The following COG3 variants were observed in gnomAD, a reference collection of about 807,000 sequenced individuals.
The protein encoded by COG3 is component of oligomeric golgi complex 3.
In COG3, 32 loss-of-function variants were observed where a neutral mutation model predicts 114.1. The ratio of observed to expected loss-of-function variants is 0.28; its 90% CI spans 0.21 to 0.38. The LOEUF (loss-of-function observed/expected upper bound fraction) is 0.38, where lower values mean the gene tolerates loss of function less well. Ranked by LOEUF, COG3 falls within the 10% of genes least tolerant of loss-of-function variation. COG3 has a pLI of 1.00. For missense variants in COG3, 813 were observed against 973.2 expected (o/e 0.84, Z 2.19); for synonymous variants, 352 against 365.7 (o/e 0.96, Z 0.43).
At chr13:45,478,890 C>G in intron 2 of COG3, 115 bp from the exon 3 acceptor site, 1 of 712,768 alleles carries the variant, frequency 1.4e-6, no homozygotes, top group East Asian at 2.6e-5. Context: ...ATGTCTGAGC[C>G]CTAAGCAATA....
intron 8 of COG3, among the ~76,000 whole-genome samples, chr13:45,488,754 T>A (rs1423447369): frequency 6.6e-6 from 1 of 152,174 alleles, no homozygotes; most frequent in Non-Finnish European, 1.5e-5. Flanking sequence ...CAATATATGT[T>A]ATATTTTATA....
chr13:45,529,451 C>T (rs909439153), intron 20 of COG3, among the ~76,000 whole-genome samples: 2 of 150,826 alleles, frequency 1.3e-5, no homozygotes, highest in African/African-American at 4.9e-5. Context: ...TTACTAGTGT[C>T]TCTCTGAAAA....
intron 15 of COG3, 69 bp from the exon 16 acceptor site, chr13:45,511,696 G>C: frequency 8.5e-7 from 1 of 1,170,502 alleles, no homozygotes; most frequent in Non-Finnish European, 1.3e-6. Context: ...TGCACTTACA[G>C]CCTAGGATAT....
intron 13 of COG3, among the ~76,000 whole-genome samples, chr13:45,500,098 A>G (rs61953515): frequency 0.29 from 8,132 of 27,770 alleles, 662 homozygotes; most frequent in African/African-American, 0.38. Flanking sequence ...GTGTGTGTAT[A>G]TATATATATA....
chr13:45,491,610 C>A, intron 10 of COG3, 72 bp downstream of exon 10: 5 of 1,409,818 alleles, frequency 3.5e-6, no homozygotes, highest in African/African-American at 2.9e-5. Context: ...AGAAACTATA[C>A]CTGGTTAAAT....
rs1885051695 is a variant in COG3 at position 45,465,171 on chromosome 13, G to A, written c.135G>A (p.Glu45=). 1 of 1,613,612 alleles carries A rather than the reference G, an allele frequency of 6.2e-7. No homozygotes were observed. The highest frequency in any genetic ancestry group is 1.3e-5 in the African/African-American group (1 of 74,944). The part of the protein sequence containing the change: ...LTDRQTDSVL[E]LKAAAENLPV... The stretch of plus-strand genomic sequence containing the variant: ...ACAGGCAGACGGACTCGGTATTGGA[G>A]CTGAAGGCGGCGGCAGAGAACTTGC... Residue 45 remains glutamate (E), a synonymous_variant, in exon 1 of 23, where the codon GAG becomes GAA. Transcript: ENST00000349995.
At chr13:45,523,229 T>G (rs1435576823) in intron 19 of COG3, among the ~76,000 whole-genome samples, 1 of 152,082 alleles carries the variant, frequency 6.6e-6, no homozygotes, top group African/African-American at 2.4e-5. Context: ...TTCTTTCAAG[T>G]AATTTGATTA....
intron 15 of COG3, among the ~76,000 whole-genome samples, chr13:45,510,532 C>T (rs1165009105): frequency 1.3e-5 from 2 of 152,148 alleles, no homozygotes; most frequent in Admixed American, 6.5e-5. Context: ...CAACTTCCTG[C>T]AGTGGAGTCA....
chr13:45,529,995 G>C (rs2274286), intron 21 of COG3, 77 bp downstream of exon 21: 1,247,656 of 1,500,432 alleles, frequency 0.83, 519,633 homozygotes, highest in Middle Eastern at 0.91. Context: ...TTTTCCTTTT[G>C]CTGTAGACAT....
intron 2 of COG3, among the ~76,000 whole-genome samples, chr13:45,477,877 T>C (rs566606787): frequency 8.5e-5 from 13 of 152,120 alleles, no homozygotes; most frequent in African/African-American, 3.1e-4. Flanking sequence ...CTGCCTGCCT[T>C]GCCCTCCCAA....
At chr13:45,491,812 A>G (rs983188293) in intron 10 of COG3, among the ~76,000 whole-genome samples, 5 of 152,188 alleles carry the variant, frequency 3.3e-5, no homozygotes, top group Non-Finnish European at 7.4e-5. Context: ...TTAACAATTT[A>G]GCTTTTGCTG....
chr13:45,513,379 A>G (rs906437412), intron 16 of COG3, among the ~76,000 whole-genome samples: 7 of 118,816 alleles, frequency 5.9e-5, no homozygotes, highest in Non-Finnish European at 9.6e-5. Flanking sequence ...TTATACATAT[A>G]ATATATACAT....
At chr13:45,524,674 A>T (rs1393054634) in intron 19 of COG3, among the ~76,000 whole-genome samples, 5 of 152,164 alleles carry the variant, frequency 3.3e-5, no homozygotes, top group African/African-American at 1.2e-4. Context: ...CTAGGGCTTC[A>T]TTTTTGTCTT....
chr13:45,519,937 T>TA (rs1347696043), intron 19 of COG3, among the ~76,000 whole-genome samples: 2 of 152,034 alleles, frequency 1.3e-5, no homozygotes, highest in Admixed American at 6.6e-5. Flanking sequence ...CCTAATCATT[T>TA]AAAAAAAATC....
intron 11 of COG3, 57 bp from the exon 12 acceptor site, chr13:45,493,290 T>C: frequency 7.1e-7 from 1 of 1,408,116 alleles, no homozygotes; most frequent in Non-Finnish European, 9.8e-7. Flanking sequence ...ATTTCTAAAT[T>C]ATTACAAAAT....
intron 19 of COG3, among the ~76,000 whole-genome samples, chr13:45,524,005 A>G (rs1872438327): frequency 6.6e-6 from 1 of 152,156 alleles, no homozygotes; most frequent in Non-Finnish European, 1.5e-5. Flanking sequence ...GTGATTTTAT[A>G]CAGGTAGGCA....
In COG3 at chr13:45,519,959, A is replaced by G. The variant is rs151131800; in HGVS notation, c.2154+865A>G. On this transcript the variant is annotated intron_variant, in intron 19 of 22. Coordinates refer to ENST00000349995, the MANE Select transcript of COG3 (RefSeq NM_031431.4). Reference sequence around the variant, plus strand: ...ATTTAAAAAAAATCTAAGTGTCATTACTAAGGACTTAAAGATATTTAAGAA... The same window carrying G: ...ATTTAAAAAAAATCTAAGTGTCATTGCTAAGGACTTAAAGATATTTAAGAA... Among the ~76,000 whole-genome samples the G allele has an allele frequency of 4.9e-4, 75 of 152,360 alleles. 2 individuals are homozygous for G. Among genetic ancestry groups the G allele is most frequent in the African/African-American group, 1.8e-3 (73 of 41,574 alleles).
intron 14 of COG3, among the ~76,000 whole-genome samples, chr13:45,507,626 G>A (rs1270898389): frequency 2.0e-5 from 3 of 152,068 alleles, no homozygotes; most frequent in African/African-American, 7.2e-5. Flanking sequence ...TTAGCTGGGT[G>A]TGGTGGCACA....
intron 8 of COG3, among the ~76,000 whole-genome samples, chr13:45,488,720 T>C (rs751067229): frequency 6.6e-6 from 1 of 152,136 alleles, no homozygotes; most frequent in Non-Finnish European, 1.5e-5. Context: ...TTGGATTAAC[T>C]GATAGCATGG....
Sources: allele counts gnomAD v4.1 joint callset (sites outside exome capture counted in the v4.1 genomes callset), GRCh38; gene constraint gnomAD v4.1.1; transcripts MANE v1.5; gene names NCBI Gene and HGNC (gene_info 2026-07-23, HGNC 2026-07-21).